The following TRDMT1 variants were observed in gnomAD, a reference collection of about 807,000 sequenced individuals.
TRDMT1 encodes tRNA (cytosine(38)-C(5))-methyltransferase.
TRDMT1 carries 49 observed loss-of-function variants against 51.2 expected under a neutral mutation model. The ratio of observed to expected loss-of-function variants is 0.96; its 90% confidence interval spans 0.76 to 1.21. TRDMT1 has a LOEUF of 1.21. Ranked by LOEUF, TRDMT1 falls within the 50% of genes most tolerant of loss-of-function variation. TRDMT1 has a pLI of 0.00. For synonymous variants in TRDMT1, 187 were observed against 164.6 expected, an observed-to-expected ratio of 1.14 and a Z score of -1.04; for missense variants, 534 against 462.3, an observed-to-expected ratio of 1.16 and a Z score of -1.42.
chr10:17,152,764 A>G (rs1032244939), intron 10 of TRDMT1, among the ~76,000 whole-genome samples: 1 of 152,164 alleles, frequency 6.6e-6, no homozygotes, highest in African/African-American at 2.4e-5. Context: ...AGTGTGTCCA[A>G]TCTCTTCAGA....
chr10:17,162,142 T>C (rs1188997797), intron 4 of TRDMT1, 24 bp downstream of exon 4: 2 of 1,584,420 alleles, frequency 1.3e-6, no homozygotes, highest in Non-Finnish European at 1.7e-6. Context: ...AAAGGTAAGC[T>C]TGTACAGGAA....
intron 1 of TRDMT1, among the ~76,000 whole-genome samples, chr10:17,187,107 G>C (rs901359179): frequency 6.6e-6 from 1 of 152,052 alleles, no homozygotes; most frequent in Non-Finnish European, 1.5e-5. Flanking sequence ...TCTGGAAAAA[G>C]GAACATGACT....
chr10:17,146,012 C>A lies in TRDMT1; in HGVS notation c.*3028G>T, dbSNP rs2131358621. 2 of 985,422 alleles carry A rather than the reference C, an allele frequency of 2.0e-6. No homozygotes were observed. The highest frequency in any genetic ancestry group is 4.7e-5 in the South Asian group (1 of 21,286). 61.0% of individuals were successfully genotyped at this position (985,422 alleles called of 1,614,324 possible). ...GGTGATTTCTGCTGAGAACTTCCAC[C>A]CCTACCAATGCGTTGAATTGCCTGC... On this transcript the variant is annotated 3_prime_UTR_variant, in exon 11 of 11. Transcript: ENST00000377799.
chr10:17,146,344 A>G lies in TRDMT1; in HGVS notation c.*2696T>C. ...GCCCATGGTGAAGGTCTGATTTCACAGACAGAACACCATGGCCAGGGTCCT... is the reference window on the plus strand; with the variant it reads ...GCCCATGGTGAAGGTCTGATTTCACGGACAGAACACCATGGCCAGGGTCCT... On this transcript the variant is annotated 3_prime_UTR_variant, in exon 11 of 11. Transcript: ENST00000377799. 1 of 985,426 alleles carries G rather than the reference A, an allele frequency of 1.0e-6. No homozygotes were observed. Among genetic ancestry groups the G allele is most frequent in the Non-Finnish European group, 1.2e-6 (1 of 829,918 alleles). The allele number at this position is 985,426 out of a possible 1,614,324, so 61.0% of individuals were successfully genotyped here.
intron 8 of TRDMT1, among the ~76,000 whole-genome samples, chr10:17,156,845 C>G (rs550542657): frequency 2.0e-5 from 3 of 152,204 alleles, no homozygotes; most frequent in Non-Finnish European, 4.4e-5. Flanking sequence ...TACAATACCT[C>G]TGGAAGATTA....
chr10:17,186,082 AATAAATAT>A (rs1176574752), intron 1 of TRDMT1, among the ~76,000 whole-genome samples: 17 of 148,486 alleles, frequency 1.1e-4, no homozygotes, highest in African/African-American at 4.3e-4. Context: ...TAAATAAATA[AATAAATAT>A]GGTCAATGCA....
intron 2 of TRDMT1, among the ~76,000 whole-genome samples, chr10:17,173,543 G>A (rs1458217073): frequency 1.3e-5 from 2 of 152,134 alleles, no homozygotes; most frequent in African/African-American, 4.8e-5. Flanking sequence ...GTTGGGGTTG[G>A]AGACTGACAG....
In TRDMT1 at chr10:17,168,834, C is replaced by T. The variant is rs369098611; in HGVS notation, c.251+7G>A. ...CAATACAACACTGAAATATTTATGA[C>T]ACATACCTTGTGAATGGCTGGCAGG... is the stretch of plus-strand genomic sequence containing the variant. On this transcript the variant is annotated splice_region_variant and intron_variant, in intron 3 of 10. Coordinates refer to ENST00000377799, the MANE Select transcript of TRDMT1 (RefSeq NM_004412.7). 2.7e-5 allele frequency: 43 copies of T among 1,596,682 alleles called. No homozygotes were observed. The highest frequency in any genetic ancestry group is 3.5e-5 in the Non-Finnish European group (41 of 1,165,964).
chr10:17,139,384 G>A lies in TRDMT1; in HGVS notation c.*9656C>T, dbSNP rs1189861199. Among the ~76,000 whole-genome samples the A allele has an allele frequency of 1.3e-5, 2 of 152,120 alleles. No individual in the cohort carries two copies. The highest frequency in any genetic ancestry group is 2.9e-5 in the Non-Finnish European group (2 of 68,014). ...TAAATAACTGCAAACAACTTATATT[G>A]GATCTGATCTTAGGAAAAGGGGAAA... On this transcript the variant is annotated 3_prime_UTR_variant, in exon 11 of 11. Coordinates refer to ENST00000377799, the MANE Select transcript of TRDMT1 (RefSeq NM_004412.7).
At chr10:17,201,343 T>C (rs1402802423) in intron 1 of TRDMT1, 20 of 505,640 alleles carry the variant, frequency 4.0e-5, no homozygotes, top group Non-Finnish European at 5.9e-5. Context: ...TGAGGCGCCA[T>C]GTGCGGCCCC....
chr10:17,141,761 CAAG>C lies in TRDMT1; in HGVS notation c.*7276_*7278del, dbSNP rs1283748194. Reference sequence around the variant, plus strand: ...AGCAAAAGATATAAATGTACAGATTCAAGAAGGTGAATGAACACCAAACAGGAT... The same window carrying C: ...AGCAAAAGATATAAATGTACAGATTCAAGGTGAATGAACACCAAACAGGAT... On this transcript the variant is annotated 3_prime_UTR_variant, in exon 11 of 11. Transcript: ENST00000377799. Among the ~76,000 whole-genome samples the C allele has an allele frequency of 6.6e-6, 1 of 152,154 alleles. No individual in the cohort carries two copies. The highest frequency in any genetic ancestry group is 1.9e-4 in the East Asian group (1 of 5,200).
chr10:17,156,677 T>G (rs1375868145), intron 8 of TRDMT1, among the ~76,000 whole-genome samples: 1 of 152,174 alleles, frequency 6.6e-6, no homozygotes, highest in Non-Finnish European at 1.5e-5. Context: ...AATTATATAA[T>G]ATACCTACAC....
In TRDMT1 at chr10:17,153,616, G is replaced by A. The variant is rs762859013; in HGVS notation, c.966C>T (p.Ser322=). The A allele has an allele frequency of 6.3e-7, 1 of 1,590,938 alleles. No homozygotes were observed. Among genetic ancestry groups the A allele is most frequent in the South Asian group, 1.1e-5 (1 of 87,308 alleles). Residue 322 remains serine, a synonymous_variant, in exon 10 of 11, where the codon TCC becomes TCT. Transcript: ENST00000377799. ...GTTCTTCTTGTGACAAATTGGTAAG[G>A]GATTTGTAGATATTCTCAACCTGTA... The part of the protein sequence containing the change: ...EDVQVENIYK[S]LTNLSQEEQI...
intron 1 of TRDMT1, 127 bp downstream of exon 1, chr10:17,201,444 G>GCCGCCCGACAGTGT: frequency 1.2e-6 from 1 of 835,796 alleles, no homozygotes; most frequent in East Asian, 3.2e-5. Context: ...ACAACCGAGG[G>GCCGCCCGACAGTGT]CCGCCCCACA....
intron 5 of TRDMT1, among the ~76,000 whole-genome samples, chr10:17,160,727 T>G (rs1840232044): frequency 6.6e-6 from 1 of 152,142 alleles, no homozygotes; most frequent in South Asian, 2.1e-4. Flanking sequence ...CGCCTCGGCC[T>G]CCCAAAGTGC....
Position 17,149,026 on chromosome 10 carries a change from G to T in TRDMT1, c.*14C>A. On this transcript the variant is annotated 3_prime_UTR_variant, in exon 11 of 11. Transcript: ENST00000377799. Reference sequence around the variant, plus strand: ...AGGAATATCATATGACCATCTTTCAGAGTTATTTCAAAATTATTCATATAA... The same window carrying T: ...AGGAATATCATATGACCATCTTTCATAGTTATTTCAAAATTATTCATATAA... 1 of 1,589,354 alleles carries T rather than the reference G, an allele frequency of 6.3e-7. No homozygotes were observed. The highest frequency in any genetic ancestry group is 1.8e-5 in the Admixed American group (1 of 56,778).
rs561557682 is a variant in TRDMT1 at position 17,143,168 on chromosome 10, C to G, written c.*5872G>C. The G allele has an allele frequency of 1.0e-6, 1 of 985,432 alleles. No individual in the cohort carries two copies. The allele number at this position is 985,432 out of a possible 1,614,324, so 61.0% of individuals were successfully genotyped here. A position where few individuals can be genotyped will look rare whatever the true frequency, so the allele number is the denominator to read the frequency against. On this transcript the variant is annotated 3_prime_UTR_variant, in exon 11 of 11. Coordinates refer to ENST00000377799, the MANE Select transcript of TRDMT1 (RefSeq NM_004412.7). ...GAACAACTTAAAGACATTGTTTGAACTCCACAGTGTGGTGCTTTCTATGTA... is the reference window on the plus strand; with the variant it reads ...GAACAACTTAAAGACATTGTTTGAAGTCCACAGTGTGGTGCTTTCTATGTA...
rs1837462753 is a variant in TRDMT1, at chr10:17,137,827, CAAAAAAAAAAGAAA to C, written c.*11199_*11212del. Among the ~76,000 whole-genome samples, 1 of 85,658 alleles carries C rather than the reference CAAAAAAAAAAGAAA, an allele frequency of 1.2e-5. No individual in the cohort carries two copies. Among genetic ancestry groups the C allele is most frequent in the Admixed American group, 1.3e-4 (1 of 7,768 alleles). The allele number at this position is 85,658 out of a possible 152,430, so 56.2% of individuals were successfully genotyped here. ...CCTGGGTGACAGAGCGAAACTCTGC[CAAAAAAAAAAGAAA>C]AAAAAAAAAAGGTTGTTCCACTTGT... On this transcript the variant is annotated 3_prime_UTR_variant, in exon 11 of 11. Transcript: ENST00000377799.
At chr10:17,175,413 T>C (rs753939120) in intron 1 of TRDMT1, among the ~76,000 whole-genome samples, 3 of 152,160 alleles carry the variant, frequency 2.0e-5, no homozygotes, top group African/African-American at 4.8e-5. Flanking sequence ...TTAGCCGAAA[T>C]TGGAACTCCA....
Sources: allele counts gnomAD v4.1 joint callset (sites outside exome capture counted in the v4.1 genomes callset), GRCh38; gene constraint gnomAD v4.1.1; transcripts MANE v1.5; gene names NCBI Gene and HGNC (gene_info 2026-07-23, HGNC 2026-07-21).